The following BAIAP2 variants were observed in gnomAD, a reference collection of about 807,000 sequenced individuals.
The protein encoded by BAIAP2 is BAR/IMD domain containing adaptor protein 2.
A neutral mutation model predicts 63.0 loss-of-function variants in BAIAP2; 18 were observed. That is an observed-to-expected ratio of 0.29 (90% CI 0.20 to 0.42). The LOEUF (loss-of-function observed/expected upper bound fraction) is 0.42, where lower values mean the gene tolerates loss of function less well. Among genes scored for constraint, BAIAP2 ranks in the 10% least tolerant of loss-of-function variants. BAIAP2 has a pLI of 1.00. For synonymous variants in BAIAP2, 386 were observed against 307.6 expected (o/e 1.25, Z -2.67); for missense variants, 610 against 734.3 (o/e 0.83, Z 1.96).
intron 6 of BAIAP2, chr17:81,098,183 C>T: frequency 6.9e-7 from 1 of 1,446,698 alleles, no homozygotes. Flanking sequence ...CCACCTACAG[C>T]CCTGTTGGTC....
Position 81,115,934 on chromosome 17 carries a change from A to G in BAIAP2, c.*95A>G. 1.3e-6 allele frequency: 2 copies of G among 1,565,088 alleles called. No individual in the cohort carries two copies. Among genetic ancestry groups the G allele is most frequent in the Non-Finnish European group, 1.7e-6 (2 of 1,155,482 alleles). ...ATCTGTGCGTTCCTGTGTAGAGAACATCCAGGCCCCGGCTGCCTGGTCTTG... is the reference window on the plus strand; with the variant it reads ...ATCTGTGCGTTCCTGTGTAGAGAACGTCCAGGCCCCGGCTGCCTGGTCTTG... On this transcript the variant is annotated 3_prime_UTR_variant, in exon 14 of 14. Transcript: ENST00000428708.
intron 7 of BAIAP2, among the ~76,000 whole-genome samples, chr17:81,102,827 C>T (rs117358907): frequency 0.036 from 5,408 of 152,316 alleles, 129 homozygotes; most frequent in Non-Finnish European, 0.056. Context: ...CCCGGGAATC[C>T]AGGCCCTGCA....
chr17:81,115,149 G>A (rs983502080), intron 13 of BAIAP2, among the ~76,000 whole-genome samples: 4 of 152,244 alleles, frequency 2.6e-5, no homozygotes, highest in Non-Finnish European at 5.9e-5. Flanking sequence ...CGGGGATATG[G>A]GGGAGGGCGC....
At chr17:81,101,304 C>T (rs750817708) in intron 7 of BAIAP2, among the ~76,000 whole-genome samples, 1 of 152,100 alleles carries the variant, frequency 6.6e-6, no homozygotes, top group Non-Finnish European at 1.5e-5. Context: ...TATCCTGAGC[C>T]CCGATGTGAG....
chr17:81,074,445 CAT>C (rs2053273093), intron 3 of BAIAP2, among the ~76,000 whole-genome samples: 1 of 148,938 alleles, frequency 6.7e-6, no homozygotes, highest in African/African-American at 2.5e-5. Flanking sequence ...TGCACAAATA[CAT>C]GTGAGTGCCA....
intron 13 of BAIAP2, among the ~76,000 whole-genome samples, chr17:81,112,698 A>T (rs1003770419): frequency 5.9e-5 from 9 of 152,198 alleles, no homozygotes; most frequent in Non-Finnish European, 2.9e-5. Context: ...GTCGAAATGC[A>T]TTTGTGACGG....
intron 6 of BAIAP2, among the ~76,000 whole-genome samples, chr17:81,092,671 G>A (rs535802226): frequency 5.3e-5 from 8 of 152,358 alleles, no homozygotes; most frequent in South Asian, 4.1e-4. Flanking sequence ...AGAGCTTTAC[G>A]TAAGGGGCCC....
At chr17:81,112,866 C>T (rs777940251) in intron 13 of BAIAP2, among the ~76,000 whole-genome samples, 1 of 151,948 alleles carries the variant, frequency 6.6e-6, no homozygotes, top group African/African-American at 2.4e-5. Flanking sequence ...GCCTGGGCAA[C>T]CTAGGGAGAC....
chr17:81,036,838 C>T (rs1484165063), intron 1 of BAIAP2: 1 of 1,514,024 alleles, frequency 6.6e-7, no homozygotes, highest in Non-Finnish European at 8.9e-7. Flanking sequence ...TCATTAGCTC[C>T]ATTACGACTT....
intron 6 of BAIAP2, among the ~76,000 whole-genome samples, chr17:81,091,360 C>G (rs1005688532): frequency 8.5e-5 from 13 of 152,104 alleles, no homozygotes; most frequent in African/African-American, 3.1e-4. Context: ...ACCGGCCTCT[C>G]CATTCCTAAA....
intron 1 of BAIAP2, among the ~76,000 whole-genome samples, chr17:81,044,484 C>A (rs539100105): frequency 2.6e-5 from 4 of 152,242 alleles, no homozygotes; most frequent in Non-Finnish European, 4.4e-5. Context: ...GATTAGGGCC[C>A]GCCCTAGTGA....
chr17:81,035,445 G>A, intron 1 of BAIAP2, 137 bp downstream of exon 1: 1 of 384,776 alleles, frequency 2.6e-6, no homozygotes, highest in Non-Finnish European at 3.6e-6. Context: ...GGGTCTTCCC[G>A]GCGCGGCCAC....
chr17:81,100,934 GTGGCCACA>G (rs2058396029), intron 7 of BAIAP2, among the ~76,000 whole-genome samples: 1 of 152,166 alleles, frequency 6.6e-6, no homozygotes, highest in Non-Finnish European at 1.5e-5. Flanking sequence ...GCCTTGGGTG[GTGGCCACA>G]TGCTGCTGCC....
At chr17:81,082,224 C>T (rs896366662) in intron 3 of BAIAP2, among the ~76,000 whole-genome samples, 3 of 152,200 alleles carry the variant, frequency 2.0e-5, no homozygotes, top group Admixed American at 6.5e-5. Context: ...GCCACACACA[C>T]ATGCTCACCC....
chr17:81,058,456 C>G (rs1598570022), intron 3 of BAIAP2, among the ~76,000 whole-genome samples: 1 of 152,246 alleles, frequency 6.6e-6, no homozygotes. Flanking sequence ...CCTGTGACGT[C>G]TATGTCAAGG....
chr17:81,116,201 G>T lies in BAIAP2; in HGVS notation c.*362G>T, dbSNP rs779792742. 1.2e-6 allele frequency: 2 copies of T among 1,607,980 alleles called. No individual in the cohort carries two copies. Among genetic ancestry groups the T allele is most frequent in the East Asian group, 4.5e-5 (2 of 44,862 alleles). ...GCCTGGCTGCCCTGCTGCTTCTCCTGCCTAATAAACAGGCTTCTCCTGCAC... is the reference window on the plus strand; with the variant it reads ...GCCTGGCTGCCCTGCTGCTTCTCCTTCCTAATAAACAGGCTTCTCCTGCAC... On this transcript the variant is annotated 3_prime_UTR_variant, in exon 14 of 14. Transcript: ENST00000428708.
chr17:81,059,726 T>C (rs1051968035), intron 3 of BAIAP2, among the ~76,000 whole-genome samples: 1 of 152,074 alleles, frequency 6.6e-6, no homozygotes, highest in African/African-American at 2.4e-5. Flanking sequence ...GCTGGGATTA[T>C]AGGCGTGAGC....
chr17:81,098,126 C>T (rs747113387), intron 6 of BAIAP2: 3 of 1,438,370 alleles, frequency 2.1e-6, no homozygotes, highest in Non-Finnish European at 2.7e-6. Flanking sequence ...GCATGCTCCT[C>T]CCAGAGGGAC....
At chr17:81,043,747 G>C (rs1409388208) in intron 1 of BAIAP2, among the ~76,000 whole-genome samples, 4 of 152,216 alleles carry the variant, frequency 2.6e-5, no homozygotes, top group Non-Finnish European at 5.9e-5. Flanking sequence ...GGTTCAGGGA[G>C]AAGTGTGTCC....
Sources: gnomAD v4.1 joint callset for allele counts (sites outside exome capture counted in the v4.1 genomes callset) on GRCh38, gnomAD v4.1.1 for gene constraint, MANE v1.5 for transcripts, NCBI Gene and HGNC (gene_info 2026-07-23, HGNC 2026-07-21) for gene names.